Variants in DSCAML1 observed in about 807,000 individuals in gnomAD.
DSCAML1 encodes the protein DS cell adhesion molecule like 1.
Under a neutral mutation model 200.5 loss-of-function variants are expected in DSCAML1, and 38 were observed. The observed-to-expected ratio is 0.19, with a 90% CI of 0.15 to 0.25. DSCAML1 has a LOEUF of 0.25. Ranked by LOEUF, DSCAML1 falls within the 10% of genes least tolerant of loss-of-function variation. The pLI is 1.00. For synonymous variants in DSCAML1, 1,215 were observed against 1,165.0 expected, an observed-to-expected ratio of 1.04 and a Z score of -0.87; for missense variants, 2,223 against 2,858.8, an observed-to-expected ratio of 0.78 and a Z score of 5.07.
chr11:117,768,445 T>C (rs1464323173), intron 3 of DSCAML1, among the ~76,000 whole-genome samples: 4 of 152,210 alleles, frequency 2.6e-5, no homozygotes, highest in African/African-American at 9.6e-5. Flanking sequence ...ACCACCTCTT[T>C]GGGTGGCTGC....
At chr11:117,726,881 A>G (rs1285990265) in intron 3 of DSCAML1, among the ~76,000 whole-genome samples, 1 of 152,026 alleles carries the variant, frequency 6.6e-6, no homozygotes, top group Admixed American at 6.6e-5. Flanking sequence ...TAGGGACAGG[A>G]GACTTTAGGG....
At chr11:117,525,198 G>T in intron 4 of DSCAML1, 115 bp from the exon 5 acceptor site, 1 of 1,309,130 alleles carries the variant, frequency 7.6e-7, no homozygotes, top group Non-Finnish European at 1.0e-6. Flanking sequence ...CGCCCACAGC[G>T]AGCAGTTTCC....
chr11:117,429,546 ATT>A (rs1229882210), intron 32 of DSCAML1, among the ~76,000 whole-genome samples: 1 of 151,894 alleles, frequency 6.6e-6, no homozygotes, highest in Non-Finnish European at 1.5e-5. Flanking sequence ...TAATTTCTGT[ATT>A]TTTTTAGTAG....
chr11:117,432,979 T>C (rs981334656), intron 29 of DSCAML1, among the ~76,000 whole-genome samples, 159 bp downstream of exon 29: 1 of 152,162 alleles, frequency 6.6e-6, no homozygotes, highest in African/African-American at 2.4e-5. Flanking sequence ...AATTAGCCCT[T>C]GAGAGAAGCC....
intron 3 of DSCAML1, among the ~76,000 whole-genome samples, chr11:117,547,061 G>A (rs1046385932): frequency 2.0e-5 from 3 of 152,128 alleles, no homozygotes; most frequent in Non-Finnish European, 2.9e-5. Flanking sequence ...GGCGAGGAGT[G>A]GGGAGAGGGA....
chr11:117,552,905 C>T (rs543121685), intron 3 of DSCAML1, among the ~76,000 whole-genome samples: 105 of 152,282 alleles, frequency 6.9e-4, no homozygotes, highest in East Asian at 3.1e-3. Context: ...TACAAGTGCG[C>T]GATGTGCTCA....
chr11:117,803,932 G>A (rs530282605), intron 1 of DSCAML1, among the ~76,000 whole-genome samples: 36 of 152,332 alleles, frequency 2.4e-4, no homozygotes, highest in Non-Finnish European at 4.4e-4. Flanking sequence ...AGGATCTCAG[G>A]ATGGGAGACA....
At chr11:117,551,694 G>A (rs1162801340) in intron 3 of DSCAML1, among the ~76,000 whole-genome samples, 2 of 152,140 alleles carry the variant, frequency 1.3e-5, no homozygotes, top group African/African-American at 4.8e-5. Context: ...GGGCAGTTGG[G>A]GAAAGGGGGT....
chr11:117,759,596 C>T lies in DSCAML1; in HGVS notation c.511+17195G>A, dbSNP rs141286282. ...AGGCTTCTCCATGAGGGCGATCATC[C>T]GGGCCTCTTGAGGCCACCCATCCCT... On this transcript the variant is annotated intron_variant, in intron 3 of 32. Transcript: ENST00000651296. Among the ~76,000 whole-genome samples, 721 of 152,134 alleles carry T rather than the reference C, an allele frequency of 4.7e-3. 6 individuals carry two copies. Among genetic ancestry groups the T allele is most frequent in the African/African-American group, 0.015 (634 of 41,500 alleles).
chr11:117,690,212 C>T (rs1454131508), intron 3 of DSCAML1, among the ~76,000 whole-genome samples: 1 of 152,258 alleles, frequency 6.6e-6, no homozygotes, highest in East Asian at 1.9e-4. Flanking sequence ...ACAGATTCTA[C>T]TGAGTACCTA....
At chr11:117,467,175 G>T (rs962023956) in intron 16 of DSCAML1, among the ~76,000 whole-genome samples, 7 of 143,966 alleles carry the variant, frequency 4.9e-5, no homozygotes, top group Admixed American at 2.2e-4. Context: ...GTGCGCGCAC[G>T]CATGCGCGTG....
intron 3 of DSCAML1, among the ~76,000 whole-genome samples, chr11:117,775,046 C>T (rs572551847): frequency 3.3e-5 from 5 of 152,122 alleles, no homozygotes; most frequent in Non-Finnish European, 7.4e-5. Flanking sequence ...AGAAATACCA[C>T]ATTTCTTTAT....
chr11:117,613,179 C>T (rs2051731738), intron 3 of DSCAML1, among the ~76,000 whole-genome samples: 1 of 152,054 alleles, frequency 6.6e-6, no homozygotes, highest in African/African-American at 2.4e-5. Flanking sequence ...CCACCATGGT[C>T]AACTCAGACC....
Position 117,718,667 on chromosome 11 carries a change from A to ACCCCCCCCCCCCCCCC in DSCAML1, c.511+58123_511+58124insGGGGGGGGGGGGGGGG, listed in dbSNP as rs1295109321. On this transcript the variant is annotated intron_variant, in intron 3 of 32. Transcript: ENST00000651296. ...ACACACACACAAGATGAATACTCAA[A>ACCCCCCCCCCCCCCCC]ACCCCCCCCCCCCCCCATCATATGA... 1.8e-4 allele frequency among the ~76,000 whole-genome samples: 4 copies of ACCCCCCCCCCCCCCCC among 22,328 alleles called. 1 individual carries two copies. The highest frequency in any genetic ancestry group is 1.5e-3 in the Admixed American group (2 of 1,348). The allele number at this position is 22,328 out of a possible 152,430, so 14.6% of individuals were successfully genotyped here.
At chr11:117,455,015 C>A (rs1273999134) in intron 19 of DSCAML1, among the ~76,000 whole-genome samples, 1 of 152,188 alleles carries the variant, frequency 6.6e-6, no homozygotes, top group Non-Finnish European at 1.5e-5. Flanking sequence ...AGCAAATGTC[C>A]CCTAGGGGAG....
rs749339584 is a variant in DSCAML1, at chr11:117,428,615, C to T, written c.5875G>A (p.Gly1959Arg). ...ASKSLGLPHP[G>R]APAAASTATL... ...GCTGTGGAGGCGGCAGCGGGGGCCC[C>T]TGGGTGGGGAAGGCCCAAGGACTTG... The change falls in exon 33 of 33, where the codon GGG becomes AGG. Residue 1959 changes from glycine to arginine, a missense_variant. This residue lies in a region of DSCAML1 where 280 missense variants were observed against 213.4 expected (regional missense o/e 1.31). Coordinates refer to ENST00000651296, the MANE Select transcript of DSCAML1 (RefSeq NM_020693.4). 1.2e-6 allele frequency: 2 copies of T among 1,608,372 alleles called. No individual in the cohort carries two copies. The highest frequency in any genetic ancestry group is 3.4e-5 in the Admixed American group (2 of 59,332).
intron 14 of DSCAML1, among the ~76,000 whole-genome samples, chr11:117,472,799 T>G (rs1398943834): frequency 1.3e-5 from 2 of 152,196 alleles, no homozygotes; most frequent in Admixed American, 6.5e-5. Flanking sequence ...GTGAACACCC[T>G]GCATCTCCAG....
intron 3 of DSCAML1, among the ~76,000 whole-genome samples, chr11:117,589,904 C>A (rs756496794): frequency 6.6e-6 from 1 of 152,158 alleles, no homozygotes; most frequent in Non-Finnish European, 1.5e-5. Flanking sequence ...AAGTGATTAC[C>A]CAGCTGCTAA....
intron 3 of DSCAML1, among the ~76,000 whole-genome samples, chr11:117,682,893 C>T (rs1174799735): frequency 6.6e-6 from 1 of 152,082 alleles, no homozygotes; most frequent in African/African-American, 2.4e-5. Flanking sequence ...AAACTGAGGC[C>T]CGAAGAGACC....
Sources: gnomAD v4.1 joint callset for allele counts (sites outside exome capture counted in the v4.1 genomes callset) on GRCh38, gnomAD v4.1.1 for gene constraint, gnomAD v4.1.1 regional missense constraint, MANE v1.5 for transcripts, NCBI Gene and HGNC (gene_info 2026-07-23, HGNC 2026-07-21) for gene names.